Variants in TBC1D22A observed in about 807,000 individuals in gnomAD.
TBC1D22A encodes the protein TBC1 domain family member 22A.
In TBC1D22A, 38 loss-of-function variants were observed where a neutral mutation model predicts 60.2. That is an observed-to-expected ratio of 0.63 (90% CI 0.49 to 0.83). The LOEUF (loss-of-function observed/expected upper bound fraction) is 0.83, where lower values mean the gene tolerates loss of function less well. TBC1D22A is among the 40% of genes least tolerant of loss of function. The probability of loss-of-function intolerance (pLI) is 0.00; values close to 1 mark genes in which losing one functional copy is unlikely to be tolerated. For missense variants in TBC1D22A, 628 were observed against 701.0 expected (o/e 0.90, Z 1.18); for synonymous variants, 302 against 281.7 (o/e 1.07, Z -0.72).
rs751794345 is a variant in TBC1D22A, at chr22:46,912,152, A to G, written c.979A>G (p.Thr327Ala). The G allele has an allele frequency of 1.6e-5, 26 of 1,613,370 alleles. No homozygotes were observed. Among genetic ancestry groups the G allele is most frequent in the Non-Finnish European group, 2.2e-5 (26 of 1,179,758 alleles). Residue 327 changes from threonine (T) to alanine (A), a missense_variant, in exon 8 of 13, where the codon ACT becomes GCT. Transcript: ENST00000337137. ...GYVQGINDLV[T>A]PFFVVFICEY... ...CGTTCAGGGTATAAATGATCTCGTC[A>G]CTCCTTTCTTTGTGGTCTTCATTTG...
intron 7 of TBC1D22A, among the ~76,000 whole-genome samples, chr22:46,904,797 CAG>C (rs1242244348): frequency 1.5e-5 from 2 of 132,776 alleles, no homozygotes; most frequent in African/African-American, 2.8e-5. Context: ...TTTTCTGAGA[CAG>C]AGTCTTAGTC....
At chr22:46,920,084 T>TATGTATGTATGA (rs146766434) in intron 8 of TBC1D22A, among the ~76,000 whole-genome samples, 89 of 149,104 alleles carry the variant, frequency 6.0e-4, no homozygotes, top group Non-Finnish European at 8.5e-4. Flanking sequence ...TGTATGTATG[T>TATGTATGTATGA]ATGAATGAAG....
In TBC1D22A at chr22:46,790,118, TC is replaced by T. The variant is rs1405952762; in HGVS notation, c.63-2401del. 1.5e-3 allele frequency among the ~76,000 whole-genome samples: 222 copies of T among 152,370 alleles called. 9 individuals are homozygous for T. In the East Asian group the frequency reaches 0.033, roughly 22 times the overall value. On this transcript the variant is annotated intron_variant, in intron 1 of 12. Transcript: ENST00000337137. ...CTAGAATTTGCAAGTCTGATGTGGG[TC>T]TCGCTGGGCTAACACCAAGGTGTTG...
At chr22:47,054,778 A>C (rs2063335292) in intron 11 of TBC1D22A, among the ~76,000 whole-genome samples, 1 of 152,100 alleles carries the variant, frequency 6.6e-6, no homozygotes, top group Admixed American at 6.6e-5. Context: ...GATTGTGTAC[A>C]CGTAGAAGTT....
rs988918561 is a variant in TBC1D22A at position 46,834,927 on chromosome 22, G to T, written c.637+37307G>T. On this transcript the variant is annotated intron_variant, in intron 4 of 12. Coordinates refer to ENST00000337137, the MANE Select transcript of TBC1D22A (RefSeq NM_014346.5). ...CTTGACTTTCCTATATTGAGAGAAA[G>T]AACTTAACCTTAGACACTTCTGAGC... Among the ~76,000 whole-genome samples, 17 of 152,318 alleles carry T rather than the reference G, an allele frequency of 1.1e-4. No individual in the cohort carries two copies. The East Asian group carries it at 2.9e-3, about 26-fold the overall frequency.
chr22:47,039,246 G>A (rs1483780235), intron 11 of TBC1D22A, among the ~76,000 whole-genome samples: 7 of 152,006 alleles, frequency 4.6e-5, no homozygotes, highest in Non-Finnish European at 1.0e-4. Flanking sequence ...TTTGTACCAG[G>A]GACTCATTCT....
chr22:46,784,562 A>G (rs887346435), intron 1 of TBC1D22A, among the ~76,000 whole-genome samples: 3 of 152,232 alleles, frequency 2.0e-5, no homozygotes, highest in Non-Finnish European at 4.4e-5. Flanking sequence ...TTTTTTGTTT[A>G]GTAAACAAAA....
At chr22:46,911,792 G>T (rs1303891069) in intron 7 of TBC1D22A, among the ~76,000 whole-genome samples, 1 of 151,868 alleles carries the variant, frequency 6.6e-6, no homozygotes, top group East Asian at 1.9e-4. Flanking sequence ...GGTAGCGCAT[G>T]CCTGTAGTCC....
intron 5 of TBC1D22A, among the ~76,000 whole-genome samples, chr22:46,879,288 T>C (rs369123986): frequency 6.9e-6 from 1 of 145,746 alleles, no homozygotes; most frequent in East Asian, 2.0e-4. Flanking sequence ...CTGGAAGTCC[T>C]TGGGGAAAGG....
At chr22:46,879,041 C>T (rs924457455) in intron 5 of TBC1D22A, among the ~76,000 whole-genome samples, 3 of 151,484 alleles carry the variant, frequency 2.0e-5, no homozygotes, top group East Asian at 3.9e-4. Context: ...GTTTCAACTC[C>T]GAGGAGTTGA....
chr22:47,003,786 TACAC>T (rs1221652008), intron 10 of TBC1D22A, among the ~76,000 whole-genome samples: 1 of 93,390 alleles, frequency 1.1e-5, no homozygotes, highest in Non-Finnish European at 2.1e-5. Context: ...ACACACACCC[TACAC>T]ACACATGCCT....
At chr22:46,896,842 C>T (rs2068706148) in intron 7 of TBC1D22A, among the ~76,000 whole-genome samples, 1 of 152,130 alleles carries the variant, frequency 6.6e-6, no homozygotes, top group Non-Finnish European at 1.5e-5. Flanking sequence ...GTCAGTTTGC[C>T]AAGGTCTTTC....
intron 12 of TBC1D22A, among the ~76,000 whole-genome samples, chr22:47,141,082 G>A (rs2067065468): frequency 6.6e-6 from 1 of 152,202 alleles, no homozygotes; most frequent in Non-Finnish European, 1.5e-5. Flanking sequence ...AAACATGGAG[G>A]ACGGCGAAGG....
chr22:47,051,542 G>A (rs117600014), intron 11 of TBC1D22A, among the ~76,000 whole-genome samples: 2,715 of 152,242 alleles, frequency 0.018, 36 homozygotes, highest in Middle Eastern at 0.071. Flanking sequence ...ATCTCAAAAC[G>A]CCCTTCCGGT....
intron 1 of TBC1D22A, among the ~76,000 whole-genome samples, chr22:46,781,901 C>A (rs577263212): frequency 3.3e-5 from 5 of 152,354 alleles, no homozygotes; most frequent in Non-Finnish European, 5.9e-5. Flanking sequence ...CAACTAATGG[C>A]CCCTGCCTTG....
At chr22:46,787,643 T>C (rs1197593005) in intron 1 of TBC1D22A, among the ~76,000 whole-genome samples, 2 of 152,168 alleles carry the variant, frequency 1.3e-5, no homozygotes, top group Non-Finnish European at 2.9e-5. Context: ...CAGTGTAAAC[T>C]TTGCAAATGT....
intron 4 of TBC1D22A, among the ~76,000 whole-genome samples, chr22:46,834,750 A>G (rs750938295): frequency 2.6e-5 from 4 of 152,198 alleles, no homozygotes; most frequent in Non-Finnish European, 4.4e-5. Flanking sequence ...CACAAATTTC[A>G]TAGGATCTGT....
intron 10 of TBC1D22A, among the ~76,000 whole-genome samples, chr22:47,034,826 T>G (rs755909508): frequency 1.3e-5 from 2 of 152,250 alleles, no homozygotes; most frequent in Admixed American, 6.5e-5. Context: ...TGGCATATTA[T>G]GCATTGGTTT....
chr22:47,147,541 C>T (rs2067329509), intron 12 of TBC1D22A, among the ~76,000 whole-genome samples: 1 of 152,254 alleles, frequency 6.6e-6, no homozygotes, highest in Non-Finnish European at 1.5e-5. Context: ...ACCCAGGGGT[C>T]ACACATAGTG....
Sources: allele counts gnomAD v4.1 joint callset (sites outside exome capture counted in the v4.1 genomes callset), GRCh38; gene constraint gnomAD v4.1.1; transcripts MANE v1.5; gene names NCBI Gene and HGNC (gene_info 2026-07-23, HGNC 2026-07-21).